The following PCSK2 variants were observed in gnomAD, a reference collection of about 807,000 sequenced individuals.
PCSK2 encodes proprotein convertase subtilisin/kexin type 2.
In PCSK2, 14 loss-of-function variants were observed where a neutral mutation model predicts 69.7. The observed-to-expected ratio is 0.20, with a 90% CI of 0.13 to 0.31. PCSK2 has a LOEUF of 0.31. Among genes scored for constraint, PCSK2 ranks in the 10% least tolerant of loss-of-function variants. The probability of loss-of-function intolerance (pLI) is 1.00; values close to 1 mark genes in which losing one functional copy is unlikely to be tolerated. For synonymous variants in PCSK2, 307 were observed against 320.7 expected (o/e 0.96, Z 0.46); for missense variants, 544 against 842.5 (o/e 0.65, Z 4.39).
intron 2 of PCSK2, among the ~76,000 whole-genome samples, chr20:17,340,260 G>C (rs1318473774): frequency 2.0e-5 from 3 of 151,802 alleles, no homozygotes; most frequent in Non-Finnish European, 2.9e-5. Context: ...AGCATTTGCT[G>C]TTGAGAAGGC....
intron 2 of PCSK2, among the ~76,000 whole-genome samples, chr20:17,355,420 G>A (rs116311943): frequency 7.2e-4 from 110 of 152,206 alleles, no homozygotes; most frequent in African/African-American, 2.6e-3. Flanking sequence ...CAAGGCCTCC[G>A]ATTAGTGAGT....
At chr20:17,366,097 G>A (rs559340942) in intron 4 of PCSK2, among the ~76,000 whole-genome samples, 165 of 152,278 alleles carry the variant, frequency 1.1e-3, no homozygotes, top group South Asian at 5.6e-3. Context: ...CCTGGGCCCC[G>A]AGGCTCTAGG....
At chr20:17,264,750 CTTCTT>C (rs145003933) in intron 2 of PCSK2, among the ~76,000 whole-genome samples, 50,089 of 151,720 alleles carry the variant, frequency 0.33, 8,807 homozygotes, top group Middle Eastern at 0.47. Flanking sequence ...TGGCCAAACT[CTTCTT>C]TCCTTTCAAT....
intron 8 of PCSK2, among the ~76,000 whole-genome samples, chr20:17,440,301 G>T (rs1342033189): frequency 6.6e-6 from 1 of 152,184 alleles, no homozygotes; most frequent in Non-Finnish European, 1.5e-5. Flanking sequence ...ATTAAAGTTT[G>T]CAAGGTGTTG....
At position 17,453,945 on chromosome 20, in the gene PCSK2, C is replaced by A. The variant is rs149151266; in HGVS notation, c.1089C>A (p.Pro363=). The change falls in exon 9 of 12, where the codon CCC becomes CCA. Residue 363 remains proline, a synonymous_variant. Transcript: ENST00000262545. The surrounding 1 kb of genome is among the most constrained non-coding windows in gnomAD (Gnocchi z 4.0). ...TCAGCAACGGGAGGAAAAGGAACCC[C>A]GAGGCCGGTGTGGTGAGCACGTCCC... is the stretch of plus-strand genomic sequence containing the variant. ...STFSNGRKRN[P]EAGVATTDLY... The A allele has an allele frequency of 6.2e-7, 1 of 1,614,204 alleles. No homozygotes were observed. The highest frequency in any genetic ancestry group is 2.2e-5 in the East Asian group (1 of 44,892).
At chr20:17,353,463 C>CAG (rs372975691) in intron 2 of PCSK2, among the ~76,000 whole-genome samples, 89,770 of 126,080 alleles carry the variant, frequency 0.71, 30,186 homozygotes, top group Admixed American at 0.77. Flanking sequence ...GACTCCATCA[C>CAG]ACAAAAAAAA....
chr20:17,456,563 A>C (rs1483155188), intron 10 of PCSK2, 115 bp downstream of exon 10: 2 of 669,112 alleles, frequency 3.0e-6, no homozygotes, highest in East Asian at 2.5e-5. Flanking sequence ...GGCCATGAAT[A>C]GTCAGGGCCA....
chr20:17,320,427 C>A (rs1989829010), intron 2 of PCSK2, among the ~76,000 whole-genome samples: 1 of 152,228 alleles, frequency 6.6e-6, no homozygotes, highest in Non-Finnish European at 1.5e-5. Flanking sequence ...TCTCATGTCT[C>A]CCCTCCCTAG....
intron 2 of PCSK2, among the ~76,000 whole-genome samples, chr20:17,293,260 G>A (rs1036488151): frequency 2.0e-5 from 3 of 152,100 alleles, no homozygotes; most frequent in African/African-American, 7.2e-5. Flanking sequence ...TTTCTAAGAA[G>A]AAACTCTCAT....
intron 2 of PCSK2, among the ~76,000 whole-genome samples, chr20:17,347,642 C>T (rs773418652): frequency 6.6e-5 from 10 of 152,052 alleles, no homozygotes; most frequent in African/African-American, 1.4e-4. Flanking sequence ...CGGTTCAGCA[C>T]GCGTAACAAA....
chr20:17,307,875 A>C (rs1394892333), intron 2 of PCSK2, among the ~76,000 whole-genome samples: 3 of 152,238 alleles, frequency 2.0e-5, no homozygotes, highest in African/African-American at 7.2e-5. Flanking sequence ...AACGAGGTTT[A>C]ATTGGCTCAT....
chr20:17,315,085 C>T (rs1430456086), intron 2 of PCSK2, among the ~76,000 whole-genome samples: 1 of 152,166 alleles, frequency 6.6e-6, no homozygotes, highest in Non-Finnish European at 1.5e-5. Context: ...CGAGAAAACC[C>T]TGCGGCTTTC....
chr20:17,481,008 G>C (rs2033389887), intron 11 of PCSK2, among the ~76,000 whole-genome samples: 1 of 152,192 alleles, frequency 6.6e-6, no homozygotes, highest in Non-Finnish European at 1.5e-5. Context: ...GGTGAACTCA[G>C]AAGGGACTTA....
At chr20:17,311,087 A>T (rs1394588248) in intron 2 of PCSK2, among the ~76,000 whole-genome samples, 1 of 152,126 alleles carries the variant, frequency 6.6e-6, no homozygotes, top group Non-Finnish European at 1.5e-5. Context: ...TTAATTAGAA[A>T]GATCAACAAC....
rs56282808 is a variant in PCSK2 at position 17,479,249 on chromosome 20, A to T, written c.1431-2335A>T. The T allele has an allele frequency of 5.9e-6, 7 of 1,188,222 alleles. No individual in the cohort carries two copies. In the African/African-American group the frequency reaches 1.1e-4, roughly 18 times the overall value. The allele number at this position is 1,188,222 out of a possible 1,614,324, so 73.6% of individuals were successfully genotyped here. On this transcript the variant is annotated intron_variant, in intron 11 of 11. Transcript: ENST00000262545. The stretch of plus-strand genomic sequence containing the variant: ...CTGCACATTTCACAATACATTTATA[A>T]GCTTTTCCCAGCTTAGGCAGATGTG...
chr20:17,293,984 CTATT>C (rs1988782524), intron 2 of PCSK2, among the ~76,000 whole-genome samples: 1 of 150,644 alleles, frequency 6.6e-6, no homozygotes, highest in South Asian at 2.1e-4. Flanking sequence ...AGCTTACTGT[CTATT>C]TAGGTTTCTA....
intron 2 of PCSK2, among the ~76,000 whole-genome samples, chr20:17,267,670 A>G (rs570567301): frequency 6.6e-6 from 1 of 152,186 alleles, no homozygotes; most frequent in Non-Finnish European, 1.5e-5. Context: ...GTTTTTTTCT[A>G]GATGTTCATT....
chr20:17,449,861 C>A (rs1347721581), intron 8 of PCSK2, among the ~76,000 whole-genome samples: 1 of 151,790 alleles, frequency 6.6e-6, no homozygotes, highest in African/African-American at 2.4e-5. Flanking sequence ...ATTGACATCT[C>A]TGTGATCCTG....
intron 5 of PCSK2, 122 bp from the exon 6 acceptor site, chr20:17,409,141 T>G (rs1412294604): frequency 1.3e-6 from 1 of 742,884 alleles, no homozygotes; most frequent in Admixed American, 2.0e-5. Flanking sequence ...TGAGGTTTGG[T>G]CCAGTGCAGC....
Sources: gnomAD v4.1 joint callset for allele counts (sites outside exome capture counted in the v4.1 genomes callset) on GRCh38, gnomAD v4.1.1 for gene constraint, Gnocchi (gnomAD v3.1) non-coding constraint, MANE v1.5 for transcripts, NCBI Gene and HGNC (gene_info 2026-07-23, HGNC 2026-07-21) for gene names.